SLC66A2: variants seen among roughly 807,000 people sequenced by gnomAD.
SLC66A2 encodes PQ loop repeat containing 1.
Under a neutral mutation model 25.5 loss-of-function variants are expected in SLC66A2, and 23 were observed. The ratio of observed to expected loss-of-function variants is 0.90; its 90% CI spans 0.65 to 1.28. The LOEUF (loss-of-function observed/expected upper bound fraction) is 1.28, where lower values mean the gene tolerates loss of function less well. SLC66A2 is among the 50% of genes most tolerant of loss of function. The pLI is 0.00. For synonymous variants in SLC66A2, 193 were observed against 166.5 expected (o/e 1.16, Z -1.23); for missense variants, 396 against 373.1 (o/e 1.06, Z -0.51).
chr18:79,912,530 ACCAGGCCACG>A (rs1568297159), intron 5 of SLC66A2, among the ~76,000 whole-genome samples: 1 of 151,504 alleles, frequency 6.6e-6, no homozygotes, highest in African/African-American at 2.4e-5. Flanking sequence ...GCCACGTGTC[ACCAGGCCACG>A]TGTCATCAGG....
chr18:79,916,048 T>TACC (rs1442476425), intron 5 of SLC66A2: 1 of 212,302 alleles, frequency 4.7e-6, no homozygotes, highest in African/African-American at 2.6e-5. Flanking sequence ...GGTGCTCCCG[T>TACC]ACCCATGGCG....
chr18:79,946,076 G>A (rs1568340081), intron 2 of SLC66A2, among the ~76,000 whole-genome samples: 1 of 152,202 alleles, frequency 6.6e-6, no homozygotes. Context: ...AATGAATGAC[G>A]AGACGGAGGA....
intron 3 of SLC66A2, among the ~76,000 whole-genome samples, chr18:79,942,631 G>A (rs1420427374): frequency 1.3e-5 from 2 of 152,176 alleles, no homozygotes; most frequent in African/African-American, 4.8e-5. Flanking sequence ...GTAATTAGAA[G>A]AAAAACAAAA....
chr18:79,904,228 C>T lies in SLC66A2; in HGVS notation c.609-45G>A. ...CGGTCAGCGGTGGGGAGGGCGGCGA[C>T]CTGGGCTCAGTCAGTGGGGAGGCCT... On this transcript the variant is annotated intron_variant, in intron 5 of 5. Transcript: ENST00000397778. The surrounding 1 kb of genome is among the most constrained non-coding windows in gnomAD (Gnocchi z 6.3). 2 of 1,568,948 alleles carry T rather than the reference C, an allele frequency of 1.3e-6. No individual in the cohort carries two copies. Among genetic ancestry groups the T allele is most frequent in the Non-Finnish European group, 1.8e-6 (2 of 1,141,776 alleles).
chr18:79,922,077 T>A (rs1985307629), intron 4 of SLC66A2, among the ~76,000 whole-genome samples: 1 of 143,906 alleles, frequency 6.9e-6, no homozygotes, highest in Non-Finnish European at 1.5e-5. Context: ...AGGGGTCAAA[T>A]CAGGGAGGAG....
chr18:79,902,436 GTTTA>G lies in SLC66A2; in HGVS notation c.*1536_*1539del, dbSNP rs1981335213. On this transcript the variant is annotated 3_prime_UTR_variant, in exon 6 of 6. Coordinates refer to ENST00000397778, the MANE Select transcript of SLC66A2 (RefSeq NM_025078.5). ...AAGGCCAACTCAGGATCCACAAATGGTTTATTGATTCCAAGTCGCCACACAGGGT... is the reference window on the plus strand; with the variant it reads ...AAGGCCAACTCAGGATCCACAAATGGTTGATTCCAAGTCGCCACACAGGGT... The G allele has an allele frequency of 1.3e-5, 2 of 152,290 alleles. No homozygotes were observed. Among genetic ancestry groups the G allele is most frequent in the Non-Finnish European group, 2.9e-5 (2 of 68,082 alleles). The allele number at this position is 152,290 out of a possible 1,614,324, so 9.4% of individuals were successfully genotyped here.
chr18:79,916,170 G>A (rs1182265474), intron 5 of SLC66A2, among the ~76,000 whole-genome samples: 73 of 42,884 alleles, frequency 1.7e-3, no homozygotes, highest in East Asian at 6.8e-3. Flanking sequence ...TACCCGCAGT[G>A]CTCCCGTACC....
Position 79,913,126 on chromosome 18 carries a change from C to T in SLC66A2, c.608+6058G>A, listed in dbSNP as rs374627842. On this transcript the variant is annotated intron_variant, in intron 5 of 5. Transcript: ENST00000397778. ...TAGTTGAAATCCTCTCCTTGCGGGG[C>T]GGCCTGAGCCTCAGCTTCACCTGCT... is the stretch of plus-strand genomic sequence containing the variant. Among the ~76,000 whole-genome samples the T allele has an allele frequency of 4.6e-5, 7 of 152,284 alleles. No individual in the cohort carries two copies. In the East Asian group the frequency reaches 7.7e-4, roughly 17 times the overall value.
In SLC66A2 at chr18:79,903,926, G is replaced by A. The variant is rs2123162299; in HGVS notation, c.*50C>T. ...CCACCCTCCCCGCGGGGAGGTCAGG[G>A]CCCACCAGTGCCCGCGGCTGGCGGT... On this transcript the variant is annotated 3_prime_UTR_variant, in exon 6 of 6. Coordinates refer to ENST00000397778, the MANE Select transcript of SLC66A2 (RefSeq NM_025078.5). 6.5e-7 allele frequency: 1 copy of A among 1,529,612 alleles called. No individual in the cohort carries two copies. Among genetic ancestry groups the A allele is most frequent in the Non-Finnish European group, 8.8e-7 (1 of 1,133,008 alleles). 94.8% of individuals were successfully genotyped at this position (1,529,612 alleles called of 1,614,324 possible). A position where few individuals can be genotyped will look rare whatever the true frequency, so the allele number is the denominator to read the frequency against.
At chr18:79,928,136 G>A (rs949647594) in intron 4 of SLC66A2, among the ~76,000 whole-genome samples, 16 of 152,316 alleles carry the variant, frequency 1.1e-4, no homozygotes, top group African/African-American at 1.9e-4. Context: ...GCTTCTGCCC[G>A]AAATCAGGAC....
chr18:79,918,386 CA>C lies in SLC66A2; in HGVS notation c.608+797del, dbSNP rs1984498507. 1.4e-5 allele frequency among the ~76,000 whole-genome samples: 2 copies of C among 141,434 alleles called. No homozygotes were observed. Among genetic ancestry groups the C allele is most frequent in the Admixed American group, 1.4e-4 (2 of 13,998 alleles). The allele number at this position is 141,434 out of a possible 152,430, so 92.8% of individuals were successfully genotyped here. A position where few individuals can be genotyped will look rare whatever the true frequency, so the allele number is the denominator to read the frequency against. On this transcript the variant is annotated intron_variant, in intron 5 of 5. Coordinates refer to ENST00000397778, the MANE Select transcript of SLC66A2 (RefSeq NM_025078.5). The surrounding 1 kb of genome is among the most constrained non-coding windows in gnomAD (Gnocchi z 4.0). Reference sequence around the variant, plus strand: ...CAGGGTGTTCTCCGTGAGGAGCGGGCACCGGGGGGCGGATCCCCAGTGAGGA... The same window carrying C: ...CAGGGTGTTCTCCGTGAGGAGCGGGCCCGGGGGGCGGATCCCCAGTGAGGA...
At chr18:79,922,041 C>T (rs993329201) in intron 4 of SLC66A2, among the ~76,000 whole-genome samples, 5 of 149,218 alleles carry the variant, frequency 3.4e-5, no homozygotes, top group South Asian at 2.1e-4. Flanking sequence ...AGGTCAGGGT[C>T]GGTGAGGAGA....
In SLC66A2 at chr18:79,917,729, C is replaced by G. The variant is rs2123291650; in HGVS notation, c.608+1455G>C. On this transcript the variant is annotated intron_variant, in intron 5 of 5. Coordinates refer to ENST00000397778, the MANE Select transcript of SLC66A2 (RefSeq NM_025078.5). This position sits in a 1 kb window ranked among gnomAD's most constrained non-coding sequence, Gnocchi z 6.0. ...GGAGCCTGTTCCAGCCATGGACACC[C>G]TCTCGGGCCTCCATGCACCCTCGCC... Among the ~76,000 whole-genome samples the G allele has an allele frequency of 6.6e-6, 1 of 152,126 alleles. No individual in the cohort carries two copies. Among genetic ancestry groups the G allele is most frequent in the Non-Finnish European group, 1.5e-5 (1 of 67,944 alleles).
At chr18:79,934,960 A>C (rs1321199155) in intron 3 of SLC66A2, among the ~76,000 whole-genome samples, 3 of 152,126 alleles carry the variant, frequency 2.0e-5, no homozygotes, top group Admixed American at 1.3e-4. Flanking sequence ...ACCAAATTTG[A>C]GGGTTTTATA....
At chr18:79,930,803 AAT>A (rs1464938654) in intron 4 of SLC66A2, among the ~76,000 whole-genome samples, 3 of 152,222 alleles carry the variant, frequency 2.0e-5, no homozygotes, top group African/African-American at 7.2e-5. Flanking sequence ...ATAACTCCAT[AAT>A]ATATGTTTGT....
chr18:79,919,270 C>G lies in SLC66A2; in HGVS notation c.522G>C (p.Leu174=). 1 of 1,613,350 alleles carries G rather than the reference C, an allele frequency of 6.2e-7. No individual in the cohort carries two copies. The highest frequency in any genetic ancestry group is 8.5e-7 in the Non-Finnish European group (1 of 1,180,026). The change falls in exon 5 of 6, where the codon CTG becomes CTC. Residue 174 remains leucine (L), a synonymous_variant. Transcript: ENST00000397778. The part of the protein sequence containing the change: ...SIDSALFVET[L]GFLAVLTEAM... ...CTTCGGTCAGCACAGCCAGGAAGCC[C>G]AGGGTCTCCACAAACAGGGCGGAGT...
chr18:79,938,517 G>A (rs1419193575), intron 3 of SLC66A2, among the ~76,000 whole-genome samples: 1 of 152,156 alleles, frequency 6.6e-6, no homozygotes, highest in African/African-American at 2.4e-5. Context: ...ACATCTCAGT[G>A]GAATGAGGGT....
chr18:79,914,686 G>A (rs755154839), intron 5 of SLC66A2, among the ~76,000 whole-genome samples: 1 of 152,230 alleles, frequency 6.6e-6, no homozygotes, highest in Admixed American at 6.5e-5. Context: ...CACAGCAAGG[G>A]GGGCAGAGGT....
At chr18:79,916,635 G>A (rs1000861555) in intron 5 of SLC66A2, among the ~76,000 whole-genome samples, 2 of 152,230 alleles carry the variant, frequency 1.3e-5, no homozygotes, top group African/African-American at 2.4e-5. Context: ...CTGAATTTGC[G>A]GGAGCCGGCA....
Sources: allele counts gnomAD v4.1 joint callset (sites outside exome capture counted in the v4.1 genomes callset), GRCh38; gene constraint gnomAD v4.1.1; non-coding constraint Gnocchi (gnomAD v3.1); transcripts MANE v1.5; gene names NCBI Gene and HGNC (gene_info 2026-07-23, HGNC 2026-07-21).